NCAN: variants seen among roughly 807,000 people sequenced by gnomAD.
The protein encoded by NCAN is neurocan.
NCAN carries 47 observed loss-of-function variants against 121.8 expected under a neutral mutation model. That is an observed-to-expected ratio of 0.39 (90% CI 0.31 to 0.49). NCAN has a LOEUF of 0.49. Ranked by LOEUF, NCAN falls within the 20% of genes least tolerant of loss-of-function variation. The probability of loss-of-function intolerance (pLI) is 0.92; values close to 1 mark genes in which losing one functional copy is unlikely to be tolerated. For synonymous variants in NCAN, 633 were observed against 702.0 expected (o/e 0.90, Z 1.55); for missense variants, 1,517 against 1,773.4 (o/e 0.86, Z 2.60).
intron 11 of NCAN, among the ~76,000 whole-genome samples, chr19:19,240,182 C>G (rs1167466714): frequency 2.0e-5 from 3 of 148,756 alleles, no homozygotes; most frequent in Non-Finnish European, 1.5e-5. Flanking sequence ...CCCCTCATCT[C>G]TCTCCTTCTC....
chr19:19,217,368 G>A (rs1407522547), intron 2 of NCAN, among the ~76,000 whole-genome samples: 2 of 152,140 alleles, frequency 1.3e-5, no homozygotes, highest in Non-Finnish European at 2.9e-5. Context: ...CTCTACTGGT[G>A]GTCAAGAGCC....
At chr19:19,216,200 G>A (rs1316572108) in intron 1 of NCAN, among the ~76,000 whole-genome samples, 1 of 152,144 alleles carries the variant, frequency 6.6e-6, no homozygotes, top group East Asian at 1.9e-4. Context: ...CCAGGCTGGA[G>A]TGTGGTGGTG....
rs563476323 is a variant in NCAN at position 19,236,920 on chromosome 19, A to C, written c.3251-1333A>C. Among the ~76,000 whole-genome samples the C allele has an allele frequency of 1.5e-3, 230 of 151,184 alleles. 1 individual carries two copies. Among genetic ancestry groups the C allele is most frequent in the African/African-American group, 4.4e-3 (182 of 41,204 alleles). On this transcript the variant is annotated intron_variant, in intron 10 of 14. Coordinates refer to ENST00000252575, the MANE Select transcript of NCAN (RefSeq NM_004386.3). ...ATTTTTATTTTTTTAATTTCTTTTT[A>C]TTTTTATTTTTTGAGACAGGGTCTC...
At chr19:19,223,672 C>A (rs1050661837) in intron 3 of NCAN, among the ~76,000 whole-genome samples, 1 of 152,060 alleles carries the variant, frequency 6.6e-6, no homozygotes, top group Non-Finnish European at 1.5e-5. Context: ...AGGGTTTCAC[C>A]ATGTTAGCCA....
At chr19:19,217,333 G>A (rs546639006) in intron 2 of NCAN, among the ~76,000 whole-genome samples, 15 of 152,282 alleles carry the variant, frequency 9.9e-5, no homozygotes, top group African/African-American at 3.1e-4. Context: ...CAAGGGTGGA[G>A]CGATGGAAAT....
rs2228600 is a variant in NCAN at position 19,234,993 on chromosome 19, C to T, written c.3147C>T (p.Asp1049=). The change falls in exon 10 of 15, where the codon GAC becomes GAT. Residue 1049 remains aspartate, a synonymous_variant. Coordinates refer to ENST00000252575, the MANE Select transcript of NCAN (RefSeq NM_004386.3). ...TCCCCTCTCTGCCAGACATTGATGA[C>T]TGCCTCTGCAGCCCCTGTGAGAATG... The part of the protein sequence containing the change: ...AGENCEIDID[D]CLCSPCENGG... 0.044 allele frequency: 70,566 copies of T among 1,608,866 alleles called. 2,689 individuals are homozygous for T. The highest frequency in any genetic ancestry group is 0.17 in the African/African-American group (12,774 of 74,896).
At chr19:19,218,442 G>A (rs540808838) in intron 2 of NCAN, among the ~76,000 whole-genome samples, 145 of 152,078 alleles carry the variant, frequency 9.5e-4, no homozygotes, top group African/African-American at 3.3e-3. Flanking sequence ...TACCCTGGGC[G>A]ATAGAGTGAG....
At position 19,228,575 on chromosome 19, in the gene NCAN, G is replaced by A. The variant is rs543239301; in HGVS notation, c.2955G>A (p.Glu985=). The A allele has an allele frequency of 6.2e-7, 1 of 1,613,084 alleles. No homozygotes were observed. The highest frequency in any genetic ancestry group is 1.3e-5 in the African/African-American group (1 of 75,058). Residue 985 remains glutamate (E), a synonymous_variant, in exon 8 of 15, where the codon GAG becomes GAA. Transcript: ENST00000252575. ...AGSPGVESFW[E]EVASGEEPAL... Reference sequence around the variant, plus strand: ...GCCCGGGTGTAGAGAGCTTCTGGGAGGAGGTGGCAAGTGGAGAGGAGCCAG... The same window carrying A: ...GCCCGGGTGTAGAGAGCTTCTGGGAAGAGGTGGCAAGTGGAGAGGAGCCAG...
chr19:19,243,894 C>A (rs534992120), intron 12 of NCAN, among the ~76,000 whole-genome samples: 1 of 151,494 alleles, frequency 6.6e-6, no homozygotes, highest in East Asian at 2.0e-4. Flanking sequence ...GGCATGGTGG[C>A]GCATGCCTGT....
In NCAN at chr19:19,238,321, A is replaced by C. The variant is rs1287610078; in HGVS notation, c.3319A>C (p.Arg1107=). 2 of 1,614,172 alleles carry C rather than the reference A, an allele frequency of 1.2e-6. No individual in the cohort carries two copies. Among genetic ancestry groups the C allele is most frequent in the Non-Finnish European group, 8.5e-7 (1 of 1,180,036 alleles). The change falls in exon 11 of 15, where the codon AGG becomes CGG. Residue 1107 remains arginine, a synonymous_variant. Coordinates refer to ENST00000252575, the MANE Select transcript of NCAN (RefSeq NM_004386.3). The part of the protein sequence containing the change: ...GHCYRYFAHR[R]AWEDAEKDCR... ...CTGTTACCGCTATTTTGCCCACCGG[A>C]GGGCATGGGAAGATGCCGAGAAGGA... is the stretch of plus-strand genomic sequence containing the variant.
intron 3 of NCAN, among the ~76,000 whole-genome samples, chr19:19,220,450 C>CTTTTTTTTTTT (rs71170607): frequency 2.8e-5 from 2 of 72,696 alleles, no homozygotes; most frequent in East Asian, 4.4e-4. Context: ...TTAGGCAATT[C>CTTTTTTTTTTT]TTTTTTTTTT....
At chr19:19,222,454 T>C (rs1410286723) in intron 3 of NCAN, among the ~76,000 whole-genome samples, 1 of 152,104 alleles carries the variant, frequency 6.6e-6, no homozygotes, top group Non-Finnish European at 1.5e-5. Flanking sequence ...AATTTTTGTA[T>C]TTTTAGTAGA....
At position 19,238,388 on chromosome 19, in the gene NCAN, C is replaced by T. The variant is rs376485040; in HGVS notation, c.3386C>T (p.Pro1129Leu). 1.4e-5 allele frequency: 23 copies of T among 1,614,176 alleles called. No individual in the cohort carries two copies. Among genetic ancestry groups the T allele is most frequent in the South Asian group, 9.9e-5 (9 of 91,084 alleles). ...RSGHLTSVHSPEEHSFINSFG... is the reference protein window; with the variant it reads ...RSGHLTSVHSLEEHSFINSFG... ...GGCCACCTGACCAGCGTCCACTCAC[C>T]GGAGGAACACAGCTTCATTAATAGT... The change falls in exon 11 of 15, where the codon CCG (proline) becomes CTG (leucine). Residue 1129 changes from proline to leucine, a missense_variant. Pro to Leu is a moderately conservative substitution (Grantham distance 98). Transcript: ENST00000252575.
intron 12 of NCAN, among the ~76,000 whole-genome samples, chr19:19,244,060 G>A (rs1276691050): frequency 6.6e-6 from 1 of 152,036 alleles, no homozygotes; most frequent in East Asian, 1.9e-4. Flanking sequence ...TTAAAATTAG[G>A]AATTATGTGC....
rs773406890 is a variant in NCAN at position 19,245,296 on chromosome 19, G to A, written c.3493-17G>A. On this transcript the variant is annotated splice_polypyrimidine_tract_variant and intron_variant, in intron 12 of 14. Coordinates refer to ENST00000252575, the MANE Select transcript of NCAN (RefSeq NM_004386.3). ...ACAGAGGTCCCCTGAACAACTCCCT[G>A]CCCCCTATTCCTGCAGCAATTTGAG... 4 of 1,613,348 alleles carry A rather than the reference G, an allele frequency of 2.5e-6. No individual in the cohort carries two copies. Among genetic ancestry groups the A allele is most frequent in the South Asian group, 2.2e-5 (2 of 90,962 alleles).
At chr19:19,235,332 C>T (rs2060877085) in intron 10 of NCAN, among the ~76,000 whole-genome samples, 1 of 151,964 alleles carries the variant, frequency 6.6e-6, no homozygotes, top group Non-Finnish European at 1.5e-5. Context: ...TGCAGTGGCG[C>T]CATCTCAGCT....
chr19:19,216,875 G>A, intron 1 of NCAN, 72 bp from the exon 2 acceptor site: 2 of 876,094 alleles, frequency 2.3e-6, no homozygotes, highest in Non-Finnish European at 3.2e-6. Flanking sequence ...GGGGAGTTTG[G>A]TCCTGCAATG....
At chr19:19,218,532 G>A (rs1001933361) in intron 2 of NCAN, among the ~76,000 whole-genome samples, 49 of 152,038 alleles carry the variant, frequency 3.2e-4, no homozygotes, top group Non-Finnish European at 6.0e-4. Flanking sequence ...GAGTGCAATG[G>A]TGCGACCTTG....
At chr19:19,224,907 T>C (rs1469814325) in intron 5 of NCAN, 70 bp from the exon 6 acceptor site, 2 of 1,291,440 alleles carry the variant, frequency 1.5e-6, no homozygotes, top group African/African-American at 1.6e-5. Context: ...CTATTTGGAG[T>C]TGGACCCACT....
Sources: allele counts gnomAD v4.1 joint callset (sites outside exome capture counted in the v4.1 genomes callset), GRCh38; gene constraint gnomAD v4.1.1; transcripts MANE v1.5; gene names NCBI Gene and HGNC (gene_info 2026-07-23, HGNC 2026-07-21).